GRIPAP1: variants seen among roughly 807,000 people sequenced by gnomAD.
The protein encoded by GRIPAP1 is GRIP1 associated protein 1, also known as GRIP1-associated protein 1.
GRIPAP1 carries 14 observed loss-of-function variants against 84.1 expected under a neutral mutation model. The ratio of observed to expected loss-of-function variants is 0.17; its 90% CI spans 0.11 to 0.26. GRIPAP1 has a LOEUF of 0.26. Among genes scored for constraint, GRIPAP1 ranks in the 10% least tolerant of loss-of-function variants. GRIPAP1 has a pLI of 1.00. For synonymous variants in GRIPAP1, 261 were observed against 256.8 expected, an observed-to-expected ratio of 1.02 and a Z score of -0.15; for missense variants, 518 against 674.2, an observed-to-expected ratio of 0.77 and a Z score of 2.57.
chrX:48,993,536 G>A lies in GRIPAP1; in HGVS notation c.349C>T (p.Leu117=). Residue 117 remains leucine (L), a synonymous_variant, in exon 6 of 26, where the codon CTG becomes TTG. Coordinates refer to ENST00000376423, the MANE Select transcript of GRIPAP1 (RefSeq NM_020137.5). The part of the protein sequence containing the change: ...MEQLEQENQQ[L]KEGAAGAGVA... ...CCTGCTCCTGCAGCCCCCTCCTTCAGTTGCTGGTTCTCTTGCTCCAGCTGT... is the reference window on the plus strand; with the variant it reads ...CCTGCTCCTGCAGCCCCCTCCTTCAATTGCTGGTTCTCTTGCTCCAGCTGT... The A allele has an allele frequency of 8.4e-7, 1 of 1,184,295 alleles. No individual in the cohort carries two copies. Among genetic ancestry groups the A allele is most frequent in the Non-Finnish European group, 1.1e-6 (1 of 880,742 alleles).
At chrX:48,979,767 C>G (rs1557061558) in intron 21 of GRIPAP1, among the ~76,000 whole-genome samples, 3 of 24,715 alleles carry the variant, frequency 1.2e-4, no homozygotes, top group African/African-American at 1.7e-4. Flanking sequence ...CGCCCGCCAC[C>G]ACACCCAGCT....
In GRIPAP1 at chrX:48,977,673, T is replaced by G. The variant is rs957109226; in HGVS notation, c.2061+632A>C. 7.3e-5 allele frequency: 8 copies of G among 110,229 alleles called. No homozygotes were observed. In the Admixed American group the frequency reaches 7.8e-4, roughly 11 times the overall value. The allele number at this position is 110,229 out of a possible 1,213,427, so 9.1% of individuals were successfully genotyped here. On this transcript the variant is annotated intron_variant, in intron 22 of 25. Transcript: ENST00000376423. ...GACGTCTGGATGGTGAAAATATTATTTTTTTTTGACATTTAAGGTTTTTTT... is the reference window on the plus strand; with the variant it reads ...GACGTCTGGATGGTGAAAATATTATGTTTTTTTGACATTTAAGGTTTTTTT...
intron 21 of GRIPAP1, 127 bp from the exon 22 acceptor site, chrX:48,978,562 CAGA>C: frequency 1.7e-6 from 1 of 572,509 alleles, no homozygotes; most frequent in Non-Finnish European, 2.6e-6. Flanking sequence ...TGGGGAAAGG[CAGA>C]AGCAGACAGG....
intron 3 of GRIPAP1, among the ~76,000 whole-genome samples, 154 bp from the exon 4 acceptor site, chrX:48,998,334 T>G: frequency 8.9e-6 from 1 of 112,260 alleles, no homozygotes. Context: ...TGTGTGACAA[T>G]TTGGAGCCCA....
chrX:48,998,918 T>G (rs1405953096), intron 3 of GRIPAP1: 3 of 258,687 alleles, frequency 1.2e-5, no homozygotes, highest in East Asian at 7.7e-5. Flanking sequence ...AAGGCAGGAG[T>G]GTGAGTAGAG....
At position 48,981,196 on chromosome X, in the gene GRIPAP1, C is replaced by G; in HGVS notation, c.1930+19G>C. ...CCTCCCCCATGCCTCAGCCTCCTCT[C>G]CCTGTCCTAGTCCCTCACCTGAGCG... On this transcript the variant is annotated intron_variant, in intron 21 of 25. Coordinates refer to ENST00000376423, the MANE Select transcript of GRIPAP1 (RefSeq NM_020137.5). 3.4e-6 allele frequency: 4 copies of G among 1,181,220 alleles called. No individual in the cohort carries two copies. Among genetic ancestry groups the G allele is most frequent in the Non-Finnish European group, 4.6e-6 (4 of 871,189 alleles).
intron 14 of GRIPAP1, 44 bp downstream of exon 14, chrX:48,985,224 T>A: frequency 8.6e-7 from 1 of 1,161,472 alleles, no homozygotes; most frequent in Non-Finnish European, 1.2e-6. Context: ...ACTGGGCCAT[T>A]ACTAGGGAAC....
intron 6 of GRIPAP1, among the ~76,000 whole-genome samples, chrX:48,992,993 T>C (rs1469714040): frequency 9.0e-6 from 1 of 110,766 alleles, no homozygotes; most frequent in Admixed American, 9.6e-5. Flanking sequence ...GCCAATTTTC[T>C]GTATTTCTAG....
intron 5 of GRIPAP1, among the ~76,000 whole-genome samples, chrX:48,996,823 A>G (rs1032225983): frequency 8.9e-6 from 1 of 111,789 alleles, no homozygotes; most frequent in Non-Finnish European, 1.9e-5. Flanking sequence ...TAGCTCCAGG[A>G]TGAATTATCT....
chrX:48,984,160 G>T (rs1204817687), intron 14 of GRIPAP1, among the ~76,000 whole-genome samples: 1 of 111,366 alleles, frequency 9.0e-6, no homozygotes, highest in African/African-American at 3.3e-5. Context: ...TGTGGAAGTG[G>T]TGAGTGTAAT....
Position 48,973,852 on chromosome X carries a change from T to G in GRIPAP1, c.*341A>C, listed in dbSNP as rs1254287854. 1 of 127,279 alleles carries G rather than the reference T, an allele frequency of 7.9e-6. No homozygotes were observed. Among genetic ancestry groups the G allele is most frequent in the East Asian group, 1.9e-4 (1 of 5,321 alleles). The allele number at this position is 127,279 out of a possible 1,213,427, so 10.5% of individuals were successfully genotyped here. A position where few individuals can be genotyped will look rare whatever the true frequency, so the allele number is the denominator to read the frequency against. On this transcript the variant is annotated 3_prime_UTR_variant, in exon 26 of 26. Coordinates refer to ENST00000376423, the MANE Select transcript of GRIPAP1 (RefSeq NM_020137.5). ...AGCATCCCCAATCCCAAATGCAGAG[T>G]AGCCAGGCTCCAGACATAAATTAAA...
chrX:48,976,489 A>G (rs2064423455), intron 22 of GRIPAP1, 126 bp from the exon 23 acceptor site: 2 of 816,761 alleles, frequency 2.4e-6, no homozygotes, highest in Non-Finnish European at 3.4e-6. Flanking sequence ...TGAAGCTGGG[A>G]CTGTTGGCCC....
In GRIPAP1 at chrX:48,989,786, C is replaced by T. The variant is rs782144352; in HGVS notation, c.770+49G>A. 5 of 1,157,109 alleles carry T rather than the reference C, an allele frequency of 4.3e-6. No individual in the cohort carries two copies. In the South Asian group the frequency reaches 9.0e-5, roughly 21 times the overall value. ...CCTAGCTCTGCCCCTGTAATCTTCACTGGGCACTGTCCCAATTGTCCACCA... is the reference window on the plus strand; with the variant it reads ...CCTAGCTCTGCCCCTGTAATCTTCATTGGGCACTGTCCCAATTGTCCACCA... On this transcript the variant is annotated intron_variant, in intron 10 of 25. Transcript: ENST00000376423.
In GRIPAP1 at chrX:48,976,349, G is replaced by A; in HGVS notation, c.2076C>T (p.Ser692=). The A allele has an allele frequency of 8.3e-7, 1 of 1,201,021 alleles. No homozygotes were observed. Among genetic ancestry groups the A allele is most frequent in the Non-Finnish European group, 1.1e-6 (1 of 890,523 alleles). The change falls in exon 23 of 26, where the codon AGC becomes AGT. Residue 692 remains serine (S), a synonymous_variant. Coordinates refer to ENST00000376423, the MANE Select transcript of GRIPAP1 (RefSeq NM_020137.5). ...SAVPARSLSS[S]PQAQPPRPAE... ...CTGGCCGAGGGGGCTGGGCTTGAGG[G>A]CTGCTGGATAAGGACTGCAGGAAAG...
At chrX:49,000,811 T>TC (rs2064575366) in intron 1 of GRIPAP1, 1 of 110,512 alleles carries the variant, frequency 9.0e-6, no homozygotes, top group South Asian at 3.9e-4. Context: ...TACTGTTCCT[T>TC]CCCCTACCAG....
intron 24 of GRIPAP1, 192 bp from the exon 25 acceptor site, chrX:48,975,501 G>A: frequency 2.4e-6 from 1 of 411,667 alleles, no homozygotes. Flanking sequence ...GAGAAATGAG[G>A]ATAACTAACT....
intron 24 of GRIPAP1, 69 bp from the exon 25 acceptor site, chrX:48,975,378 G>C (rs782407663): frequency 9.6e-7 from 1 of 1,039,463 alleles, no homozygotes; most frequent in Non-Finnish European, 1.3e-6. Flanking sequence ...AGCCAGAGGA[G>C]AAAAGAGGGA....
chrX:48,976,007 G>A lies in GRIPAP1; in HGVS notation c.2278+11C>T. 1 of 1,198,919 alleles carries A rather than the reference G, an allele frequency of 8.3e-7. No individual in the cohort carries two copies. The highest frequency in any genetic ancestry group is 3.0e-5 in the East Asian group (1 of 33,799). ...TGGACCAGGGCTGAGGGCCGGGGAG[G>A]GGACACTGACCGATCCGGCTGTCCA... On this transcript the variant is annotated intron_variant, in intron 24 of 25. Transcript: ENST00000376423.
chrX:48,991,319 A>AC lies in GRIPAP1; in HGVS notation c.458-210dup. On this transcript the variant is annotated intron_variant, in intron 6 of 25. Coordinates refer to ENST00000376423, the MANE Select transcript of GRIPAP1 (RefSeq NM_020137.5). ...TTTTGAGACAGGGACTTGCTCTGTC[A>AC]CCCAGGCTGGAGTGCACTGGAATGA... 7.3e-6 allele frequency: 3 copies of AC among 413,097 alleles called. No individual in the cohort carries two copies. The East Asian group carries it at 1.2e-4, about 17-fold the overall frequency. The allele number at this position is 413,097 out of a possible 1,213,427, so 34.0% of individuals were successfully genotyped here.
Sources: allele counts gnomAD v4.1 joint callset (sites outside exome capture counted in the v4.1 genomes callset), GRCh38; gene constraint gnomAD v4.1.1; transcripts MANE v1.5; gene names NCBI Gene and HGNC (gene_info 2026-07-23, HGNC 2026-07-21).